RAI14: variants seen among roughly 807,000 people sequenced by gnomAD.
The protein encoded by RAI14 is retinoic acid induced 14, also known as ankycorbin.
In RAI14, 45 loss-of-function variants were observed where a neutral mutation model predicts 115.4. That is an observed-to-expected ratio of 0.39 (90% CI 0.31 to 0.50). RAI14 has a LOEUF of 0.50. RAI14 is among the 20% of genes least tolerant of loss of function. RAI14 has a pLI of 0.85. For missense variants in RAI14, 939 were observed against 1,131.2 expected (o/e 0.83, Z 2.44); for synonymous variants, 371 against 415.4 (o/e 0.89, Z 1.30).
chr5:34,736,222 G>A (rs948891530), intron 2 of RAI14, among the ~76,000 whole-genome samples: 2 of 152,164 alleles, frequency 1.3e-5, no homozygotes, highest in African/African-American at 2.4e-5. Context: ...CCAACATGGC[G>A]AAGCCCCGTC....
chr5:34,709,020 A>G (rs1333858309), intron 2 of RAI14, among the ~76,000 whole-genome samples: 1 of 149,732 alleles, frequency 6.7e-6, no homozygotes, highest in African/African-American at 2.5e-5. Flanking sequence ...GTACATGCCT[A>G]TTGTGCTAGC....
At chr5:34,721,287 ATG>A (rs1193019574) in intron 2 of RAI14, among the ~76,000 whole-genome samples, 2 of 74,178 alleles carry the variant, frequency 2.7e-5, no homozygotes, top group East Asian at 3.6e-4. Context: ...GTAGATGTAG[ATG>A]TGTATATATA....
intron 13 of RAI14, among the ~76,000 whole-genome samples, chr5:34,821,164 A>G (rs1449968674): frequency 6.6e-6 from 1 of 152,154 alleles, no homozygotes; most frequent in African/African-American, 2.4e-5. Flanking sequence ...TTTTGGAGGG[A>G]AAACAATTAA....
At chr5:34,709,717 G>T (rs1203480871) in intron 2 of RAI14, among the ~76,000 whole-genome samples, 2 of 152,158 alleles carry the variant, frequency 1.3e-5, no homozygotes, top group Admixed American at 6.6e-5. Flanking sequence ...CAATTTTCTG[G>T]AGAGGAGCTG....
chr5:34,828,978 A>G (rs749356297), intron 16 of RAI14, among the ~76,000 whole-genome samples: 1 of 152,200 alleles, frequency 6.6e-6, no homozygotes, highest in Non-Finnish European at 1.5e-5. Flanking sequence ...TGAAAAATAA[A>G]GAAAACTCTA....
At chr5:34,717,780 C>T (rs1375058454) in intron 2 of RAI14, among the ~76,000 whole-genome samples, 1 of 151,596 alleles carries the variant, frequency 6.6e-6, no homozygotes, top group Non-Finnish European at 1.5e-5. Context: ...AGTTGTTGGT[C>T]TTTTGTCAGA....
At chr5:34,813,720 C>A in intron 11 of RAI14, 60 bp downstream of exon 11, 3 of 1,407,890 alleles carry the variant, frequency 2.1e-6, no homozygotes, top group South Asian at 2.6e-5. Flanking sequence ...ATAAATTTGT[C>A]ATTTTGTTTA....
intron 3 of RAI14, among the ~76,000 whole-genome samples, chr5:34,779,214 G>T (rs2150154788): frequency 6.6e-6 from 1 of 152,194 alleles, no homozygotes; most frequent in East Asian, 1.9e-4. Flanking sequence ...GTATTGATGG[G>T]ATGTATCTCA....
At position 34,824,085 on chromosome 5, in the gene RAI14, A is replaced by T. The variant is rs1757193130; in HGVS notation, c.2243A>T (p.Glu748Val). ...TTLRTAAKEM[E>V]EKISNLKEHL... ...CTGCGGACTGCAGCAAAAGAGATGGAAGAAAAAATAAGCAATCTTAAGGAA... is the reference window on the plus strand; with the variant it reads ...CTGCGGACTGCAGCAAAAGAGATGGTAGAAAAAATAAGCAATCTTAAGGAA... Residue 748 changes from glutamate to valine, a missense_variant, in exon 15 of 18, where the codon GAA becomes GTA. Physicochemically the swap from Glu to Val is moderately radical, Grantham distance 121. Coordinates refer to ENST00000265109, the MANE Select transcript of RAI14 (RefSeq NM_015577.3). 1.2e-6 allele frequency: 2 copies of T among 1,614,064 alleles called. No homozygotes were observed. Among genetic ancestry groups the T allele is most frequent in the South Asian group, 2.2e-5 (2 of 91,082 alleles).
chr5:34,684,119 G>A (rs1744614868), intron 1 of RAI14, among the ~76,000 whole-genome samples: 1 of 152,114 alleles, frequency 6.6e-6, no homozygotes, highest in South Asian at 2.1e-4. Flanking sequence ...TCTGTTTATC[G>A]TTATTTCTAC....
rs759272309 is a variant in RAI14 at position 34,827,384 on chromosome 5, T to G, written c.2799+905T>G. 6.6e-6 allele frequency among the ~76,000 whole-genome samples: 1 copy of G among 152,200 alleles called. No homozygotes were observed. Among genetic ancestry groups the G allele is most frequent in the Non-Finnish European group, 1.5e-5 (1 of 68,032 alleles). On this transcript the variant is annotated intron_variant, in intron 16 of 17. Coordinates refer to ENST00000265109, the MANE Select transcript of RAI14 (RefSeq NM_015577.3). This position sits in a 1 kb window ranked among gnomAD's most constrained non-coding sequence, Gnocchi z 4.2. The stretch of plus-strand genomic sequence containing the variant: ...GGTTCTGGGGATTAGGATGTGGACA[T>G]CTTTCAAGAGCCATTATTTAGCTTA...
chr5:34,696,432 G>A (rs370532057), intron 2 of RAI14, among the ~76,000 whole-genome samples: 4 of 152,100 alleles, frequency 2.6e-5, no homozygotes, highest in South Asian at 4.1e-4. Context: ...CACCACGCCC[G>A]GCCGCATTTT....
intron 2 of RAI14, among the ~76,000 whole-genome samples, chr5:34,708,922 C>T (rs1470104529): frequency 3.9e-5 from 6 of 151,918 alleles, no homozygotes; most frequent in East Asian, 1.9e-4. Context: ...GTGGGAGGAT[C>T]GTTTGAGGCC....
chr5:34,676,798 A>G (rs186825884), intron 1 of RAI14, among the ~76,000 whole-genome samples: 1 of 152,208 alleles, frequency 6.6e-6, no homozygotes, highest in Non-Finnish European at 1.5e-5. Flanking sequence ...TTACTACGTG[A>G]TCATTATGAT....
At chr5:34,783,650 T>G (rs930687246) in intron 3 of RAI14, among the ~76,000 whole-genome samples, 1 of 152,192 alleles carries the variant, frequency 6.6e-6, no homozygotes, top group African/African-American at 2.4e-5. Context: ...GAGATTCAAT[T>G]GCATATGTGG....
chr5:34,809,989 TG>T (rs962528730), intron 7 of RAI14, among the ~76,000 whole-genome samples: 12 of 152,168 alleles, frequency 7.9e-5, no homozygotes, highest in Non-Finnish European at 1.6e-4. Context: ...TTGATGGAGA[TG>T]CTGTGAAGTG....
chr5:34,668,204 G>A (rs1347220456), intron 1 of RAI14, among the ~76,000 whole-genome samples: 1 of 152,116 alleles, frequency 6.6e-6, no homozygotes, highest in Non-Finnish European at 1.5e-5. Flanking sequence ...GACGAGCCTG[G>A]CCAACATGGT....
chr5:34,824,289 A>G lies in RAI14; in HGVS notation c.2447A>G (p.Lys816Arg), dbSNP rs146385556. Residue 816 changes from lysine to arginine, a missense_variant, in exon 15 of 18, where the codon AAG becomes AGG. Physicochemically the swap from Lys to Arg is conservative, Grantham distance 26 (BLOSUM62 2). Coordinates refer to ENST00000265109, the MANE Select transcript of RAI14 (RefSeq NM_015577.3). ...KLKESVKEKE[K>R]VHSEVVQIRS... ...AAGGAATCTGTGAAAGAGAAAGAGAAGGTCCATTCAGAGGTTGTCCAGATT... is the reference window on the plus strand; with the variant it reads ...AAGGAATCTGTGAAAGAGAAAGAGAGGGTCCATTCAGAGGTTGTCCAGATT... 6.2e-7 allele frequency: 1 copy of G among 1,614,210 alleles called. No individual in the cohort carries two copies. Among genetic ancestry groups the G allele is most frequent in the Admixed American group, 1.7e-5 (1 of 60,032 alleles).
intron 4 of RAI14, among the ~76,000 whole-genome samples, chr5:34,799,685 A>ATTTTTTTTTTT (rs57115550): frequency 1.3e-4 from 13 of 103,398 alleles, no homozygotes; most frequent in African/African-American, 5.1e-4. Context: ...ATCTGTTAGC[A>ATTTTTTTTTTT]TTTTTTTTTT....
Sources: allele counts gnomAD v4.1 joint callset (sites outside exome capture counted in the v4.1 genomes callset), GRCh38; gene constraint gnomAD v4.1.1; non-coding constraint Gnocchi (gnomAD v3.1); transcripts MANE v1.5; gene names NCBI Gene and HGNC (gene_info 2026-07-23, HGNC 2026-07-21).